The following SHANK2 variants were observed in gnomAD, a reference collection of about 807,000 sequenced individuals.
The protein encoded by SHANK2 is SH3 and multiple ankyrin repeat domains protein 2.
A neutral mutation model predicts 133.7 loss-of-function variants in SHANK2; 43 were observed. The observed-to-expected ratio is 0.32, with a 90% CI of 0.25 to 0.41. The LOEUF (loss-of-function observed/expected upper bound fraction) is 0.41. SHANK2 is among the 10% of genes least tolerant of loss of function. The pLI is 1.00. For missense variants in SHANK2, 1,994 were observed against 2,235.8 expected (o/e 0.89, Z 2.18); for synonymous variants, 1,017 against 952.8 (o/e 1.07, Z -1.24).
intron 13 of SHANK2, among the ~76,000 whole-genome samples, chr11:70,800,034 T>C (rs1555050146): frequency 6.6e-6 from 1 of 151,936 alleles, no homozygotes; most frequent in African/African-American, 2.4e-5. Context: ...GTTTTTTTTT[T>C]GTTTTTTGTT....
chr11:70,742,623 C>T (rs1023501262), intron 14 of SHANK2, among the ~76,000 whole-genome samples: 1 of 152,212 alleles, frequency 6.6e-6, no homozygotes, highest in African/African-American at 2.4e-5. Context: ...TCCAGCACTT[C>T]CCCGCATGAC....
chr11:71,175,860 G>T lies in SHANK2; in HGVS notation c.-12-28522C>A, dbSNP rs113867354. ...AGGACCACCCAGGCAAACTCCCAGA[G>T]TGGAGGCGATGGGGCTGAGAACACA... On this transcript the variant is annotated intron_variant, in intron 2 of 25. Coordinates refer to ENST00000601538, the MANE Select transcript of SHANK2 (RefSeq NM_012309.5). The surrounding 1 kb of genome is among the most constrained non-coding windows in gnomAD (Gnocchi z 4.2). Among the ~76,000 whole-genome samples the T allele has an allele frequency of 3.7e-4, 56 of 152,314 alleles. No individual in the cohort carries two copies. Among genetic ancestry groups the T allele is most frequent in the African/African-American group, 1.3e-3 (55 of 41,568 alleles).
intron 21 of SHANK2, among the ~76,000 whole-genome samples, chr11:70,492,801 T>TG (rs1298447374): frequency 2.1e-5 from 3 of 143,534 alleles, no homozygotes; most frequent in South Asian, 2.4e-4. Context: ...TTTTTTTTTT[T>TG]TTTTTTTTTT....
At chr11:70,946,119 A>ACTAACCAACCCTTTCCAGGCT (rs1950725616) in intron 10 of SHANK2, among the ~76,000 whole-genome samples, 1 of 90,228 alleles carries the variant, frequency 1.1e-5, no homozygotes, top group African/African-American at 5.2e-5. Context: ...CTTCCCAGAC[A>ACTAACCAACCCTTTCCAGGCT]CAACCTGCCT....
Position 70,535,004 on chromosome 11 carries a change from G to T in SHANK2, c.2062-32073C>A, listed in dbSNP as rs2135994707. On this transcript the variant is annotated intron_variant, in intron 17 of 25. Coordinates refer to ENST00000601538, the MANE Select transcript of SHANK2 (RefSeq NM_012309.5). This position sits in a 1 kb window ranked among gnomAD's most constrained non-coding sequence, Gnocchi z 4.3. ...CACTGACAAAGGAGCCATGGCTCCA[G>T]GACCCTGGTCAGGGTGGTCCTCAGC... Among the ~76,000 whole-genome samples the T allele has an allele frequency of 6.6e-6, 1 of 152,320 alleles. No homozygotes were observed. Among genetic ancestry groups the T allele is most frequent in the South Asian group, 2.1e-4 (1 of 4,824 alleles).
At chr11:70,710,081 C>A (rs1945747922) in intron 14 of SHANK2, among the ~76,000 whole-genome samples, 1 of 152,158 alleles carries the variant, frequency 6.6e-6, no homozygotes, top group Non-Finnish European at 1.5e-5. Flanking sequence ...TCTCCCAGAT[C>A]AAAACCCACC....
chr11:71,073,128 T>A (rs1345312043), intron 9 of SHANK2, among the ~76,000 whole-genome samples: 2,740 of 142,884 alleles, frequency 0.019, 197 homozygotes, highest in East Asian at 0.14. Flanking sequence ...TTGCTTTTTG[T>A]TTTTTTTCTT....
At chr11:70,533,016 T>C (rs996740620) in intron 17 of SHANK2, among the ~76,000 whole-genome samples, 2 of 152,144 alleles carry the variant, frequency 1.3e-5, no homozygotes, top group East Asian at 1.9e-4. Context: ...CTTTGCATGA[T>C]TGCATTTCTA....
chr11:70,589,570 A>G (rs1247224814), intron 17 of SHANK2, among the ~76,000 whole-genome samples: 1 of 113,864 alleles, frequency 8.8e-6, no homozygotes, highest in Non-Finnish European at 1.8e-5. Flanking sequence ...GGATCAAGGA[A>G]TAATTTTGAC....
At chr11:70,822,340 A>G (rs1286852106) in intron 11 of SHANK2, among the ~76,000 whole-genome samples, 39 of 152,264 alleles carry the variant, frequency 2.6e-4, no homozygotes, top group Admixed American at 2.5e-3. Context: ...GGGAACCTTC[A>G]TGCCTCAGAG....
intron 9 of SHANK2, among the ~76,000 whole-genome samples, chr11:71,073,147 C>CTTTTGTTTTTTTTT (rs1951166965): frequency 1.6e-5 from 1 of 62,716 alleles, no homozygotes; most frequent in Non-Finnish European, 3.9e-5. Flanking sequence ...TTTTTCTTTT[C>CTTTTGTTTTTTTTT]TTTTTTTTCT....
intron 10 of SHANK2, chr11:70,908,094 T>C: frequency 4.6e-6 from 1 of 219,100 alleles, no homozygotes. Context: ...AGAGTCCATC[T>C]CAAAAAAAAA....
chr11:70,791,653 C>T (rs1947788827), intron 14 of SHANK2, among the ~76,000 whole-genome samples: 1 of 152,214 alleles, frequency 6.6e-6, no homozygotes, highest in Non-Finnish European at 1.5e-5. Flanking sequence ...TCTGTTTCCC[C>T]ATTGCCTCAG....
At chr11:70,554,879 C>T (rs1367487089) in intron 17 of SHANK2, among the ~76,000 whole-genome samples, 2 of 144,170 alleles carry the variant, frequency 1.4e-5, no homozygotes, top group East Asian at 4.0e-4. Flanking sequence ...CACCTCACTT[C>T]ATTGCACTTC....
intron 17 of SHANK2, among the ~76,000 whole-genome samples, chr11:70,613,599 A>C (rs1380942056): frequency 3.3e-5 from 5 of 152,074 alleles, no homozygotes; most frequent in Non-Finnish European, 7.4e-5. Context: ...TGTGTCCCCC[A>C]AAAAGAGGTG....
chr11:71,096,169 T>C (rs1011303179), intron 6 of SHANK2, among the ~76,000 whole-genome samples: 17 of 152,238 alleles, frequency 1.1e-4, no homozygotes, highest in African/African-American at 3.9e-4. Flanking sequence ...GGAACGATGT[T>C]CTCATGAATG....
intron 1 of SHANK2, among the ~76,000 whole-genome samples, chr11:71,249,400 T>C (rs1355674787): frequency 2.0e-5 from 3 of 152,102 alleles, no homozygotes; most frequent in African/African-American, 7.2e-5. Context: ...ACAGTCCCAG[T>C]TACAGGAGAA....
intron 15 of SHANK2, among the ~76,000 whole-genome samples, chr11:70,693,990 T>A (rs1420359793): frequency 6.6e-6 from 1 of 152,084 alleles, no homozygotes; most frequent in South Asian, 2.1e-4. Flanking sequence ...GCGGGAAGGA[T>A]GGATGTATAA....
At chr11:70,872,886 C>CT in intron 11 of SHANK2, 1 of 406,982 alleles carries the variant, frequency 2.5e-6, no homozygotes, top group South Asian at 1.8e-5. Flanking sequence ...CCACGATGCC[C>CT]TGTAGAGCCC....
Sources: gnomAD v4.1 joint callset for allele counts (sites outside exome capture counted in the v4.1 genomes callset) on GRCh38, gnomAD v4.1.1 for gene constraint, Gnocchi (gnomAD v3.1) non-coding constraint, MANE v1.5 for transcripts, NCBI Gene and HGNC (gene_info 2026-07-23, HGNC 2026-07-21) for gene names.